POU2F1: variants seen among roughly 807,000 people sequenced by gnomAD.
POU2F1 encodes POU class 2 homeobox 1.
A neutral mutation model predicts 84.9 loss-of-function variants in POU2F1; 16 were observed. The ratio of observed to expected loss-of-function variants is 0.19; its 90% confidence interval spans 0.13 to 0.29. The LOEUF (loss-of-function observed/expected upper bound fraction) is 0.29, where lower values mean the gene tolerates loss of function less well. Ranked by LOEUF, POU2F1 falls within the 10% of genes least tolerant of loss-of-function variation. The probability of loss-of-function intolerance (pLI) is 1.00; values close to 1 mark genes in which losing one functional copy is unlikely to be tolerated. For synonymous variants in POU2F1, 368 were observed against 368.3 expected (o/e 1.00, Z 0.01); for missense variants, 738 against 942.6 (o/e 0.78, Z 2.84).
At position 167,422,789 on chromosome 1, in the gene POU2F1, A is replaced by G. The variant is rs545514579; in HGVS notation, c.*6979A>G. 82 of 152,368 alleles carry G rather than the reference A, an allele frequency of 5.4e-4. No homozygotes were observed. Among genetic ancestry groups the G allele is most frequent in the African/African-American group, 1.8e-3 (76 of 41,582 alleles). The allele number at this position is 152,368 out of a possible 1,614,324, so 9.4% of individuals were successfully genotyped here. A position where few individuals can be genotyped will look rare whatever the true frequency, so the allele number is the denominator to read the frequency against. ...TGTCATTGCTTATCCTTAAGTTTTC[A>G]AAACAGGCAGAGGGAATAGGAGCAA... On this transcript the variant is annotated 3_prime_UTR_variant, in exon 16 of 16. Transcript: ENST00000367866.
At position 167,423,982 on chromosome 1, in the gene POU2F1, T is replaced by C. The variant is rs1221174545; in HGVS notation, c.*8172T>C. ...GACAGAGCCAAGTAGAGAAAAGACT[T>C]TGTGCTCCCACCCAGCCTTAATGAG... On this transcript the variant is annotated 3_prime_UTR_variant, in exon 16 of 16. Coordinates refer to ENST00000367866, the MANE Select transcript of POU2F1 (RefSeq NM_002697.4). 1 of 152,208 alleles carries C rather than the reference T, an allele frequency of 6.6e-6. No individual in the cohort carries two copies. The highest frequency in any genetic ancestry group is 1.5e-5 in the Non-Finnish European group (1 of 68,032). The allele number at this position is 152,208 out of a possible 1,614,324, so 9.4% of individuals were successfully genotyped here.
intron 1 of POU2F1, among the ~76,000 whole-genome samples, chr1:167,302,460 T>G (rs1654774680): frequency 6.6e-6 from 1 of 152,102 alleles, no homozygotes; most frequent in African/African-American, 2.4e-5. Context: ...GGTTTCACCA[T>G]GTTGGCTAAG....
At chr1:167,352,970 A>G (rs977654307) in intron 2 of POU2F1, among the ~76,000 whole-genome samples, 3 of 152,236 alleles carry the variant, frequency 2.0e-5, no homozygotes. Context: ...AAATGCCTGA[A>G]TCCTGTGCAA....
chr1:167,361,356 C>A (rs1448799310), intron 2 of POU2F1, among the ~76,000 whole-genome samples: 2 of 152,042 alleles, frequency 1.3e-5, no homozygotes, highest in Admixed American at 6.5e-5. Flanking sequence ...CCTTCAATGC[C>A]TAGTTTATTA....
chr1:167,233,710 A>C (rs1649242100), intron 1 of POU2F1, among the ~76,000 whole-genome samples: 1 of 152,222 alleles, frequency 6.6e-6, no homozygotes, highest in African/African-American at 2.4e-5. Context: ...CAAGGAACAA[A>C]AGTTCAGCAT....
intron 1 of POU2F1, among the ~76,000 whole-genome samples, chr1:167,253,582 C>T (rs542828298): frequency 2.6e-5 from 4 of 151,984 alleles, no homozygotes; most frequent in African/African-American, 4.8e-5. Context: ...CCTGCCACCA[C>T]GCCTGGTTAA....
chr1:167,311,804 A>G (rs1056996421), intron 1 of POU2F1, among the ~76,000 whole-genome samples: 7 of 150,762 alleles, frequency 4.6e-5, no homozygotes, highest in African/African-American at 1.7e-4. Flanking sequence ...TTATTTATTT[A>G]TTTATTTTTT....
At chr1:167,291,948 G>T (rs762588194) in intron 1 of POU2F1, among the ~76,000 whole-genome samples, 1 of 152,098 alleles carries the variant, frequency 6.6e-6, no homozygotes, top group Non-Finnish European at 1.5e-5. Flanking sequence ...TAGGAGTGCT[G>T]CTGGCTTGAG....
chr1:167,314,896 T>G (rs1446325063), intron 1 of POU2F1, among the ~76,000 whole-genome samples: 1 of 152,152 alleles, frequency 6.6e-6, no homozygotes, highest in African/African-American at 2.4e-5. Context: ...GGAAAGTGTT[T>G]AGATTATGAG....
At chr1:167,336,632 C>G (rs919220551) in intron 2 of POU2F1, among the ~76,000 whole-genome samples, 1 of 151,690 alleles carries the variant, frequency 6.6e-6, no homozygotes, top group Non-Finnish European at 1.5e-5. Flanking sequence ...AGTGTAAGGA[C>G]GATTATTTAA....
chr1:167,318,255 C>T (rs1027059714), intron 1 of POU2F1, among the ~76,000 whole-genome samples: 4 of 152,162 alleles, frequency 2.6e-5, no homozygotes, highest in Non-Finnish European at 5.9e-5. Flanking sequence ...TGGGCCATAT[C>T]ATTTGAGGTT....
chr1:167,332,826 A>G (rs945244642), intron 2 of POU2F1, among the ~76,000 whole-genome samples: 1 of 152,178 alleles, frequency 6.6e-6, no homozygotes, highest in African/African-American at 2.4e-5. Flanking sequence ...TGGGTTTACC[A>G]CTTACTAGCT....
intron 2 of POU2F1, among the ~76,000 whole-genome samples, chr1:167,340,079 C>T (rs1274787382): frequency 6.6e-6 from 1 of 152,136 alleles, no homozygotes; most frequent in African/African-American, 2.4e-5. Context: ...TAAAGGGGAG[C>T]AGAACCATTC....
chr1:167,283,145 T>A (rs1179619782), intron 1 of POU2F1, among the ~76,000 whole-genome samples: 4 of 152,206 alleles, frequency 2.6e-5, no homozygotes, highest in Non-Finnish European at 4.4e-5. Flanking sequence ...TGACCCTTTT[T>A]TGAGGGCAGG....
chr1:167,253,177 T>G (rs547185847), intron 1 of POU2F1, among the ~76,000 whole-genome samples: 2 of 152,196 alleles, frequency 1.3e-5, no homozygotes, highest in African/African-American at 4.8e-5. Context: ...AGGGCAAAAG[T>G]TTCACTTCAA....
intron 1 of POU2F1, among the ~76,000 whole-genome samples, chr1:167,323,590 A>G (rs953299462): frequency 2.6e-5 from 4 of 152,164 alleles, no homozygotes; most frequent in African/African-American, 9.6e-5. Flanking sequence ...GACTTATTCC[A>G]TGGTATGTCT....
intron 1 of POU2F1, among the ~76,000 whole-genome samples, chr1:167,328,811 G>T (rs765220637): frequency 6.6e-6 from 1 of 152,154 alleles, no homozygotes; most frequent in Non-Finnish European, 1.5e-5. Context: ...TTTAAATTAT[G>T]CAGGGAGTGC....
chr1:167,373,332 T>C (rs1660127489), intron 5 of POU2F1, among the ~76,000 whole-genome samples: 1 of 152,236 alleles, frequency 6.6e-6, no homozygotes, highest in African/African-American at 2.4e-5. Context: ...AAAACAACTT[T>C]AAATATGCTC....
At chr1:167,306,801 T>C (rs1157132203) in intron 1 of POU2F1, among the ~76,000 whole-genome samples, 1 of 152,300 alleles carries the variant, frequency 6.6e-6, no homozygotes, top group Non-Finnish European at 1.5e-5. Context: ...AGCAATCATA[T>C]TGGATTAGGC....
Sources: allele counts gnomAD v4.1 joint callset (sites outside exome capture counted in the v4.1 genomes callset), GRCh38; gene constraint gnomAD v4.1.1; transcripts MANE v1.5; gene names NCBI Gene and HGNC (gene_info 2026-07-23, HGNC 2026-07-21).